TIAM2: variants seen among roughly 807,000 people sequenced by gnomAD.
TIAM2 encodes rho guanine nucleotide exchange factor TIAM2.
A neutral mutation model predicts 152.9 loss-of-function variants in TIAM2; 80 were observed. The ratio of observed to expected loss-of-function variants is 0.52; its 90% confidence interval spans 0.44 to 0.63. TIAM2 has a LOEUF of 0.63. Ranked by LOEUF, TIAM2 falls within the 30% of genes least tolerant of loss-of-function variation. The probability of loss-of-function intolerance (pLI) is 0.00; values close to 1 mark genes in which losing one functional copy is unlikely to be tolerated. For missense variants in TIAM2, 1,965 were observed against 2,120.1 expected, an observed-to-expected ratio of 0.93 and a Z score of 1.44; for synonymous variants, 804 against 838.0, an observed-to-expected ratio of 0.96 and a Z score of 0.70.
At chr6:155,099,564 CATA>C (rs1388373876) in intron 2 of TIAM2, among the ~76,000 whole-genome samples, 1 of 152,108 alleles carries the variant, frequency 6.6e-6, no homozygotes, top group Non-Finnish European at 1.5e-5. Flanking sequence ...AAACGTGATG[CATA>C]ATAATTGTGG....
At position 155,244,751 on chromosome 6, in the gene TIAM2, T is replaced by C; in HGVS notation, c.3511T>C (p.Phe1171Leu). 6.2e-7 allele frequency: 1 copy of C among 1,613,908 alleles called. No homozygotes were observed. The highest frequency in any genetic ancestry group is 8.5e-7 in the Non-Finnish European group (1 of 1,179,882). The change falls in exon 18 of 27, where the codon TTT becomes CTT. Residue 1171 changes from phenylalanine (F) to leucine (L), a missense_variant. Physicochemically the swap from Phe to Leu is conservative, Grantham distance 22. Transcript: ENST00000682666. ...LEDGISASSD[F>L]NTLETPSQFR... ...GGATGGGATTTCAGCATCATCTGACTTTAACACCCTAGAAACCCCCTCACA... is the reference window on the plus strand; with the variant it reads ...GGATGGGATTTCAGCATCATCTGACCTTAACACCCTAGAAACCCCCTCACA...
intron 7 of TIAM2, among the ~76,000 whole-genome samples, chr6:155,149,912 C>T (rs1779909680): frequency 1.4e-5 from 2 of 144,632 alleles, no homozygotes. Flanking sequence ...AAGAGTGAGA[C>T]TCTGTATAAA....
At chr6:155,102,144 G>A (rs1253988715) in intron 2 of TIAM2, among the ~76,000 whole-genome samples, 1 of 151,606 alleles carries the variant, frequency 6.6e-6, no homozygotes, top group Non-Finnish European at 1.5e-5. Context: ...CTACAGGTGC[G>A]TGCCACCATG....
intron 14 of TIAM2, among the ~76,000 whole-genome samples, chr6:155,194,577 C>G (rs1392496942): frequency 6.6e-6 from 1 of 152,192 alleles, no homozygotes; most frequent in Non-Finnish European, 1.5e-5. Flanking sequence ...CTCTGTCCTC[C>G]TCCTTTACAG....
chr6:155,201,378 T>C (rs79526579), intron 14 of TIAM2, among the ~76,000 whole-genome samples: 1 of 152,138 alleles, frequency 6.6e-6, no homozygotes, highest in South Asian at 2.1e-4. Context: ...ATTCTTGGAG[T>C]GTTTGAAGTA....
chr6:155,028,610 T>C (rs1351081165), intron 1 of TIAM2, among the ~76,000 whole-genome samples: 1 of 127,646 alleles, frequency 7.8e-6, no homozygotes, highest in Non-Finnish European at 1.6e-5. Flanking sequence ...CTGTGTTATA[T>C]ATACTACATA....
intron 2 of TIAM2, among the ~76,000 whole-genome samples, chr6:155,114,613 G>A (rs893158586): frequency 1.3e-5 from 2 of 152,020 alleles, no homozygotes; most frequent in African/African-American, 4.8e-5. Context: ...TTCTTTATAA[G>A]GCAGTAGACT....
chr6:155,087,680 C>A (rs564766079), intron 1 of TIAM2, among the ~76,000 whole-genome samples: 1 of 151,810 alleles, frequency 6.6e-6, no homozygotes, highest in Non-Finnish European at 1.5e-5. Flanking sequence ...ACTCGGGAGG[C>A]GGAGGTTGCA....
At chr6:155,008,365 C>T (rs1778432638) in intron 1 of TIAM2, among the ~76,000 whole-genome samples, 1 of 152,186 alleles carries the variant, frequency 6.6e-6, no homozygotes, top group African/African-American at 2.4e-5. Context: ...GCAAAATCAC[C>T]TGTGCACATG....
chr6:155,007,367 T>A (rs1222118557), intron 1 of TIAM2, among the ~76,000 whole-genome samples: 1 of 151,476 alleles, frequency 6.6e-6, no homozygotes, highest in African/African-American at 2.4e-5. Flanking sequence ...CAGGAACCAT[T>A]TTTCTTTTTC....
intron 2 of TIAM2, among the ~76,000 whole-genome samples, chr6:155,113,971 A>C (rs9371861): frequency 0.18 from 25,108 of 136,394 alleles, 3,022 homozygotes; most frequent in South Asian, 0.44. Flanking sequence ...ATATCGTTGA[A>C]CTCCTATACT....
At chr6:155,143,802 C>T (rs1281723827) in intron 5 of TIAM2, among the ~76,000 whole-genome samples, 3 of 151,968 alleles carry the variant, frequency 2.0e-5, no homozygotes, top group East Asian at 1.9e-4. Context: ...GCAAGGAATT[C>T]GATCTCTCAG....
At chr6:155,163,006 CTGGG>C (rs1562337557) in intron 7 of TIAM2, among the ~76,000 whole-genome samples, 7 of 152,152 alleles carry the variant, frequency 4.6e-5, no homozygotes, top group Non-Finnish European at 1.0e-4. Context: ...TGGAAAAGGT[CTGGG>C]GAATGCCCAG....
chr6:155,201,503 C>T (rs537135671), intron 14 of TIAM2, among the ~76,000 whole-genome samples: 19 of 152,288 alleles, frequency 1.2e-4, no homozygotes, highest in African/African-American at 4.6e-4. Flanking sequence ...AGATCTCTCT[C>T]GTCATTGACT....
chr6:155,170,941 T>C (rs1780571058), intron 9 of TIAM2, among the ~76,000 whole-genome samples: 1 of 152,246 alleles, frequency 6.6e-6, no homozygotes, highest in Non-Finnish European at 1.5e-5. Context: ...GAATGGCAGA[T>C]AGAACTAAGG....
chr6:155,183,278 G>T lies in TIAM2; in HGVS notation c.2842G>T (p.Ala948Ser). ...TGAGATCATGACCTTAAATGGGGAA[G>T]CTGTGTCTGATCTTGACCTTAAGCA... ...GNEIMTLNGEAVSDLDLKQME... is the reference protein window; with the variant it reads ...GNEIMTLNGESVSDLDLKQME... The change falls in exon 14 of 27, where the codon GCT becomes TCT. Residue 948 changes from alanine (A) to serine (S), a missense_variant. Transcript: ENST00000682666. The T allele has an allele frequency of 1.2e-6, 2 of 1,614,208 alleles. No homozygotes were observed. The highest frequency in any genetic ancestry group is 1.7e-6 in the Non-Finnish European group (2 of 1,180,044).
At chr6:155,146,442 G>A (rs1779820203) in intron 6 of TIAM2, among the ~76,000 whole-genome samples, 3 of 152,110 alleles carry the variant, frequency 2.0e-5, no homozygotes, top group Admixed American at 2.0e-4. Flanking sequence ...GGCCACTTGA[G>A]GTTTGACCCT....
chr6:155,118,054 AG>A (rs1779056560), intron 2 of TIAM2, among the ~76,000 whole-genome samples: 2 of 152,116 alleles, frequency 1.3e-5, no homozygotes, highest in Non-Finnish European at 2.9e-5. Flanking sequence ...CCTTTCCCAG[AG>A]GGTGTTCCAA....
intron 7 of TIAM2, among the ~76,000 whole-genome samples, chr6:155,164,141 T>TTTTTTG (rs1371831056): frequency 3.5e-5 from 5 of 140,982 alleles, no homozygotes; most frequent in African/African-American, 1.3e-4. Context: ...GTGTTTTTTT[T>TTTTTTG]TTTTCTTTTT....
Sources: gnomAD v4.1 joint callset for allele counts (sites outside exome capture counted in the v4.1 genomes callset) on GRCh38, gnomAD v4.1.1 for gene constraint, MANE v1.5 for transcripts, NCBI Gene and HGNC (gene_info 2026-07-23, HGNC 2026-07-21) for gene names.